The following FRMD4B variants were observed in gnomAD, a reference collection of about 807,000 sequenced individuals.
FRMD4B encodes the protein FERM domain containing 4B, also known as FERM domain-containing protein 4B.
In FRMD4B, 74 loss-of-function variants were observed where a neutral mutation model predicts 141.5. The ratio of observed to expected loss-of-function variants is 0.52; its 90% CI spans 0.43 to 0.63. The LOEUF is 0.63. Among genes scored for constraint, FRMD4B ranks in the 30% least tolerant of loss-of-function variants. The pLI, the probability that FRMD4B is intolerant of heterozygous loss-of-function variation, is 0.00. For missense variants in FRMD4B, 1,366 were observed against 1,253.4 expected (o/e 1.09, Z -1.36); for synonymous variants, 506 against 467.9 (o/e 1.08, Z -1.05).
chr3:69,340,912 C>T (rs191752970), intron 1 of FRMD4B, among the ~76,000 whole-genome samples: 49 of 150,174 alleles, frequency 3.3e-4, no homozygotes, highest in African/African-American at 1.1e-3. Context: ...AAAGAGGCTA[C>T]GCAATAAAAA....
At chr3:69,538,625 T>A (rs1052107421) in intron 1 of FRMD4B, among the ~76,000 whole-genome samples, 3 of 152,152 alleles carry the variant, frequency 2.0e-5, no homozygotes, top group African/African-American at 7.2e-5. Flanking sequence ...CACTGTCTTA[T>A]GAGATTAGTT....
intron 1 of FRMD4B, among the ~76,000 whole-genome samples, chr3:69,385,453 A>C (rs912414104): frequency 2.6e-5 from 4 of 152,194 alleles, no homozygotes; most frequent in African/African-American, 9.7e-5. Context: ...CCGTTGCTTC[A>C]GAAGCAGCCA....
At chr3:69,537,754 T>G (rs1237005884) in intron 1 of FRMD4B, among the ~76,000 whole-genome samples, 3 of 152,266 alleles carry the variant, frequency 2.0e-5, no homozygotes, top group Non-Finnish European at 4.4e-5. Context: ...TCTATTTGCC[T>G]GAATACAATT....
intron 11 of FRMD4B, chr3:69,199,214 G>A: frequency 6.2e-6 from 1 of 162,056 alleles, no homozygotes; most frequent in Non-Finnish European, 1.4e-5. Context: ...GGAGGTTGCA[G>A]TGAGCCCAGA....
At chr3:69,473,269 G>T (rs1705927020) in intron 1 of FRMD4B, among the ~76,000 whole-genome samples, 1 of 152,108 alleles carries the variant, frequency 6.6e-6, no homozygotes, top group Non-Finnish European at 1.5e-5. Flanking sequence ...CTTGACAAGG[G>T]TGAGGTCAGG....
At position 69,215,025 on chromosome 3, in the gene FRMD4B, G is replaced by A. The variant is rs111646170; in HGVS notation, c.876+1238C>T. On this transcript the variant is annotated intron_variant, in intron 11 of 22. Coordinates refer to ENST00000398540, the MANE Select transcript of FRMD4B (RefSeq NM_015123.3). ...CTCCCGAGGAGCTGGGACTATACGCGCATGCCGCTATGCCCAGCTCATTTT... is the reference window on the plus strand; with the variant it reads ...CTCCCGAGGAGCTGGGACTATACGCACATGCCGCTATGCCCAGCTCATTTT... Among the ~76,000 whole-genome samples, 294 of 151,674 alleles carry A rather than the reference G, an allele frequency of 1.9e-3. 1 individual carries two copies. The highest frequency in any genetic ancestry group is 6.7e-3 in the African/African-American group (279 of 41,406).
chr3:69,488,630 C>A lies in FRMD4B; in HGVS notation c.-129+53576G>T, dbSNP rs566615325. On this transcript the variant is annotated intron_variant, in intron 1 of 5. Transcript: ENST00000459638. ...AAAAGTTTAAGGTATAGGCCTGGCA[C>A]GGTGGTTCACACTTGTAATCCCAGC... 3.9e-5 allele frequency among the ~76,000 whole-genome samples: 6 copies of A among 151,976 alleles called. No individual in the cohort carries two copies. The South Asian group carries it at 1.2e-3, about 32-fold the overall frequency.
At chr3:69,241,876 CAAAACAAAA>C (rs2093386994) in intron 7 of FRMD4B, among the ~76,000 whole-genome samples, 1 of 87,816 alleles carries the variant, frequency 1.1e-5, no homozygotes, top group East Asian at 3.1e-4. Flanking sequence ...CTCAAAAAAA[CAAAACAAAA>C]CAAAACAAAA....
chr3:69,440,356 A>G (rs1705325056), intron 1 of FRMD4B, among the ~76,000 whole-genome samples: 1 of 152,234 alleles, frequency 6.6e-6, no homozygotes, highest in African/African-American at 2.4e-5. Context: ...ATATAGAAAG[A>G]ACCATATTTG....
intron 1 of FRMD4B, among the ~76,000 whole-genome samples, chr3:69,456,393 G>GA (rs1705615000): frequency 6.6e-6 from 1 of 152,020 alleles, no homozygotes; most frequent in Non-Finnish European, 1.5e-5. Flanking sequence ...TTACCCTAAG[G>GA]AAAAAATGAT....
At chr3:69,282,091 G>A (rs2107017251) in intron 5 of FRMD4B, among the ~76,000 whole-genome samples, 1 of 152,240 alleles carries the variant, frequency 6.6e-6, no homozygotes. Flanking sequence ...TTATGTAGCT[G>A]TGCAGAGCTT....
Position 69,216,322 on chromosome 3 carries a change from C to T in FRMD4B, c.817G>A (p.Gly273Arg), listed in dbSNP as rs752228292. 1 of 1,571,564 alleles carries T rather than the reference C, an allele frequency of 6.4e-7. No homozygotes were observed. Among genetic ancestry groups the T allele is most frequent in the Non-Finnish European group, 8.7e-7 (1 of 1,151,396 alleles). The change falls in exon 11 of 23, where the codon GGA becomes AGA. Residue 273 changes from glycine to arginine, a missense_variant. Transcript: ENST00000398540. ...TGGCCAATTCCCTTATAGCTTATTC[C>T]AAGCCACCAAGGAAGTCCTTGCTTA... ...KDKQGLPWWL[G>R]ISYKGIGQYD...
intron 2 of FRMD4B, among the ~76,000 whole-genome samples, chr3:69,407,112 T>C (rs1224250981): frequency 6.6e-6 from 1 of 151,982 alleles, no homozygotes; most frequent in African/African-American, 2.4e-5. Context: ...TTCCTGAAAT[T>C]TGCATAAACT....
chr3:69,212,920 G>A (rs1271427231), intron 11 of FRMD4B, among the ~76,000 whole-genome samples: 1 of 152,164 alleles, frequency 6.6e-6, no homozygotes, highest in African/African-American at 2.4e-5. Flanking sequence ...AAACATGATA[G>A]ACAGCATTTT....
chr3:69,511,061 GT>G (rs1323993215), intron 1 of FRMD4B, among the ~76,000 whole-genome samples: 1 of 152,146 alleles, frequency 6.6e-6, no homozygotes, highest in African/African-American at 2.4e-5. Context: ...TTCCAAGTAT[GT>G]TTAATGCATT....
At chr3:69,203,341 A>AAAAAAAAAAAAAAAG (rs1553700373) in intron 11 of FRMD4B, among the ~76,000 whole-genome samples, 4 of 77,036 alleles carry the variant, frequency 5.2e-5, no homozygotes, top group Non-Finnish European at 7.7e-5. Flanking sequence ...AAAAAAAAAA[A>AAAAAAAAAAAAAAAG]AAAGAAAGAA....
At position 69,269,024 on chromosome 3, in the gene FRMD4B, G is replaced by A. The variant is rs540656625; in HGVS notation, c.501+18728C>T. The stretch of plus-strand genomic sequence containing the variant: ...GCTCACTGCAATCTCTGCCTCCCAG[G>A]TTCAAGCAATTCTCCTGCCTTAGCC... On this transcript the variant is annotated intron_variant, in intron 5 of 22. Coordinates refer to ENST00000398540, the MANE Select transcript of FRMD4B (RefSeq NM_015123.3). Among the ~76,000 whole-genome samples the A allele has an allele frequency of 1.4e-3, 210 of 151,188 alleles. 7 individuals are homozygous for A. Among genetic ancestry groups the A allele is most frequent in the African/African-American group, 4.7e-3 (193 of 40,864 alleles).
At chr3:69,363,267 A>ATTTTT (rs1559830417) in intron 1 of FRMD4B, among the ~76,000 whole-genome samples, 2 of 70,874 alleles carry the variant, frequency 2.8e-5, no homozygotes, top group African/African-American at 2.4e-4. Context: ...TTTTTTTTAA[A>ATTTTT]TAGAGATGGG....
chr3:69,253,170 A>C (rs1405455476), intron 5 of FRMD4B, among the ~76,000 whole-genome samples: 1 of 150,424 alleles, frequency 6.6e-6, no homozygotes, highest in East Asian at 2.0e-4. Flanking sequence ...AAATTAGTGA[A>C]AATATGATTC....
Sources: allele counts gnomAD v4.1 joint callset (sites outside exome capture counted in the v4.1 genomes callset), GRCh38; gene constraint gnomAD v4.1.1; transcripts MANE v1.5; gene names NCBI Gene and HGNC (gene_info 2026-07-23, HGNC 2026-07-21).